Variants in SHISA9 observed in about 807,000 individuals in gnomAD.
SHISA9 encodes protein shisa-9.
Under a neutral mutation model 38.0 loss-of-function variants are expected in SHISA9, and 13 were observed. The observed-to-expected ratio is 0.34, with a 90% CI of 0.22 to 0.54. The LOEUF (loss-of-function observed/expected upper bound fraction) is 0.54. Among genes scored for constraint, SHISA9 ranks in the 20% least tolerant of loss-of-function variants. SHISA9 has a pLI of 0.91. For synonymous variants in SHISA9, 275 were observed against 242.0 expected (o/e 1.14, Z -1.27); for missense variants, 538 against 575.8 (o/e 0.93, Z 0.67).
At chr16:13,270,962 C>G in the SHISA9 span, among the ~76,000 whole-genome samples, 11 of 152,236 alleles carry the variant, frequency 7.2e-5, no homozygotes, top group South Asian at 8.3e-4. Flanking sequence ...GGAGTTAGCT[C>G]TATAGCCTGA....
intron 1 of SHISA9, among the ~76,000 whole-genome samples, chr16:12,911,883 G>T (rs1318379556): frequency 2.0e-5 from 3 of 152,214 alleles, no homozygotes; most frequent in Non-Finnish European, 2.9e-5. Flanking sequence ...TATTAGGTCG[G>T]TGCAAGAGTA....
intron 2 of SHISA9, among the ~76,000 whole-genome samples, chr16:13,126,059 A>G (rs958020565): frequency 1.3e-5 from 2 of 152,158 alleles, no homozygotes; most frequent in African/African-American, 4.8e-5. Flanking sequence ...GTGAAATCCA[A>G]CTCATTGACA....
chr16:13,557,051 C>G, the SHISA9 span, among the ~76,000 whole-genome samples: 1 of 152,084 alleles, frequency 6.6e-6, no homozygotes, highest in East Asian at 1.9e-4. Context: ...GTTTGGTACT[C>G]TAGTCTATTC....
chr16:13,043,952 C>A (rs2073160373), intron 2 of SHISA9, among the ~76,000 whole-genome samples: 1 of 152,192 alleles, frequency 6.6e-6, no homozygotes, highest in Admixed American at 6.5e-5. Context: ...TATATTGCTT[C>A]ATCCTAGGCT....
chr16:13,004,865 G>A (rs1174449952), intron 2 of SHISA9, among the ~76,000 whole-genome samples: 1 of 150,534 alleles, frequency 6.6e-6, no homozygotes, highest in Non-Finnish European at 1.5e-5. Flanking sequence ...GCGGGAGGCA[G>A]AGGTTGCAGT....
At chr16:13,555,287 A>G in the SHISA9 span, among the ~76,000 whole-genome samples, 1 of 150,034 alleles carries the variant, frequency 6.7e-6, no homozygotes, top group African/African-American at 2.5e-5. Flanking sequence ...TGTATCATGA[A>G]CACAACATTT....
the SHISA9 span, among the ~76,000 whole-genome samples, chr16:13,545,226 G>A: frequency 6.6e-6 from 1 of 152,168 alleles, no homozygotes. Context: ...TGGTGAAGTG[G>A]TACAGCTAGA....
chr16:13,223,167 C>A (rs1405481556), intron 4 of SHISA9, among the ~76,000 whole-genome samples: 4 of 152,138 alleles, frequency 2.6e-5, no homozygotes, highest in African/African-American at 9.7e-5. Flanking sequence ...TGGCTCATGC[C>A]TGTAATCCCA....
At chr16:13,031,616 A>C (rs1038181834) in intron 2 of SHISA9, among the ~76,000 whole-genome samples, 12 of 151,982 alleles carry the variant, frequency 7.9e-5, no homozygotes, top group African/African-American at 2.9e-4. Context: ...TGAGCACTAG[A>C]GTCTGACAGA....
chr16:13,317,510 G>A, the SHISA9 span, among the ~76,000 whole-genome samples: 42 of 152,062 alleles, frequency 2.8e-4, no homozygotes, highest in African/African-American at 8.9e-4. Context: ...ATGCAGGTTT[G>A]TTACATATGT....
intron 2 of SHISA9, among the ~76,000 whole-genome samples, chr16:12,945,581 G>C (rs1596543224): frequency 6.6e-6 from 1 of 152,142 alleles, no homozygotes; most frequent in Admixed American, 6.5e-5. Context: ...ATTGTTACAA[G>C]AACAAGTTCT....
At chr16:13,062,889 G>C (rs1426484120) in intron 2 of SHISA9, among the ~76,000 whole-genome samples, 1 of 152,166 alleles carries the variant, frequency 6.6e-6, no homozygotes, top group Non-Finnish European at 1.5e-5. Context: ...CCTCACCCTG[G>C]TACCCTGATC....
intron 2 of SHISA9, among the ~76,000 whole-genome samples, chr16:13,000,180 C>T (rs2072506226): frequency 6.6e-6 from 1 of 151,638 alleles, no homozygotes; most frequent in Non-Finnish European, 1.5e-5. Flanking sequence ...AATTCAGGTC[C>T]CTTGAGTTCT....
intron 2 of SHISA9, among the ~76,000 whole-genome samples, chr16:13,041,458 G>A (rs186782778): frequency 7.2e-4 from 110 of 152,296 alleles, no homozygotes; most frequent in Admixed American, 2.2e-3. Context: ...CTCTTTGGCT[G>A]TTCTATTCCC....
chr16:13,439,292 G>A, the SHISA9 span, among the ~76,000 whole-genome samples: 64 of 152,274 alleles, frequency 4.2e-4, no homozygotes, highest in African/African-American at 1.5e-3. Flanking sequence ...TATGTTCCCA[G>A]TCTCTAAGGT....
chr16:13,280,117 CTT>C, the SHISA9 span, among the ~76,000 whole-genome samples: 2 of 102,856 alleles, frequency 1.9e-5, no homozygotes, highest in Admixed American at 9.1e-5. Context: ...CTCTCTTTCT[CTT>C]TTTTTTTTTT....
At chr16:12,923,467 G>A (rs779796262) in intron 2 of SHISA9, among the ~76,000 whole-genome samples, 1 of 152,106 alleles carries the variant, frequency 6.6e-6, no homozygotes, top group Non-Finnish European at 1.5e-5. Context: ...GGCAGAGGCT[G>A]CAGTGAGCTG....
the SHISA9 span, among the ~76,000 whole-genome samples, chr16:13,423,264 A>G: frequency 6.6e-6 from 1 of 152,218 alleles, no homozygotes; most frequent in East Asian, 1.9e-4. Context: ...CTTACTTTGT[A>G]GAGAAACCAC....
At chr16:12,960,226 C>T (rs957172299) in intron 2 of SHISA9, among the ~76,000 whole-genome samples, 4 of 152,142 alleles carry the variant, frequency 2.6e-5, no homozygotes, top group East Asian at 1.9e-4. Context: ...TTTTTCCCTC[C>T]GTCACAATGT....
Sources: gnomAD v4.1 joint callset for allele counts (sites outside exome capture counted in the v4.1 genomes callset) on GRCh38, gnomAD v4.1.1 for gene constraint, MANE v1.5 for transcripts, NCBI Gene and HGNC (gene_info 2026-07-23, HGNC 2026-07-21) for gene names.